The following ARHGAP8 variants were observed in gnomAD, a reference collection of about 807,000 sequenced individuals.
ARHGAP8 encodes Rho GTPase activating protein 8.
ARHGAP8 carries 62 observed loss-of-function variants against 46.1 expected under a neutral mutation model. The ratio of observed to expected loss-of-function variants is 1.34; its 90% CI spans 1.10 to 1.66. The LOEUF (loss-of-function observed/expected upper bound fraction) is 1.66, where lower values mean the gene tolerates loss of function less well. Ranked by LOEUF, ARHGAP8 falls within the 40% of genes most tolerant of loss-of-function variation. ARHGAP8 has a pLI of 0.00. For synonymous variants in ARHGAP8, 375 were observed against 243.1 expected, an observed-to-expected ratio of 1.54 and a Z score of -5.05; for missense variants, 923 against 568.4, an observed-to-expected ratio of 1.62 and a Z score of -6.34.
intron 8 of ARHGAP8, among the ~76,000 whole-genome samples, chr22:44,847,017 G>A (rs2069973969): frequency 6.6e-6 from 1 of 152,202 alleles, no homozygotes; most frequent in African/African-American, 2.4e-5. Context: ...CTGTGGGAGT[G>A]CGGGAGCGTG....
At chr22:44,787,657 A>C (rs1307160650) in intron 2 of ARHGAP8, among the ~76,000 whole-genome samples, 3 of 151,910 alleles carry the variant, frequency 2.0e-5, no homozygotes, top group Non-Finnish European at 2.9e-5. Context: ...GCATTGCTTT[A>C]ATTTAGGTCT....
chr22:44,807,993 C>A (rs1929052070), intron 3 of ARHGAP8, among the ~76,000 whole-genome samples: 1 of 152,202 alleles, frequency 6.6e-6, no homozygotes, highest in South Asian at 2.1e-4. Flanking sequence ...TTAATTGCAC[C>A]TACAAAGACC....
At chr22:44,768,725 T>C (rs1028953404) in intron 1 of ARHGAP8, among the ~76,000 whole-genome samples, 1 of 152,162 alleles carries the variant, frequency 6.6e-6, no homozygotes, top group Non-Finnish European at 1.5e-5. Flanking sequence ...TACAGCCCTG[T>C]GTCCTTCCTG....
In ARHGAP8 at chr22:44,802,985, CCTGCTGCTG is replaced by C. The variant is rs5845671; in HGVS notation, c.167+838_167+846del. ...TCAAACCCAGGACAGAAGACAAGGG[CCTGCTGCTG>C]CTGCTGCTGCTGCTGCCGCCACCAC... On this transcript the variant is annotated intron_variant, in intron 3 of 11. Coordinates refer to ENST00000356099, the MANE Select transcript of ARHGAP8 (RefSeq NM_181335.3). Among the ~76,000 whole-genome samples, 87 of 151,376 alleles carry C rather than the reference CCTGCTGCTG, an allele frequency of 5.7e-4. 1 individual carries two copies. Among genetic ancestry groups the C allele is most frequent in the African/African-American group, 2.0e-3 (84 of 41,246 alleles).
At chr22:44,801,785 C>G in intron 2 of ARHGAP8, 1 of 387,360 alleles carries the variant, frequency 2.6e-6, no homozygotes, top group Non-Finnish European at 4.7e-6. Context: ...TCCTTGGTGC[C>G]GCCTGCCAGC....
In ARHGAP8 at chr22:44,808,385, GAACAAGC is replaced by G. The variant is rs1217303084; in HGVS notation, c.247_253del (p.Asn83LeufsTer21). Reference sequence around the variant, plus strand: ...ATTTCCACTACGGGCTGAACAGCCGGAACAAGCCTTCCCTGGGCTGGCTCCAGAGCGC... The same window carrying G: ...ATTTCCACTACGGGCTGAACAGCCGGCTTCCCTGGGCTGGCTCCAGAGCGC... On this transcript the variant is annotated frameshift_variant, in exon 4 of 12. Coordinates refer to ENST00000356099, the MANE Select transcript of ARHGAP8 (RefSeq NM_181335.3). LOFTEE classifies it high-confidence loss of function. 1 of 1,614,230 alleles carries G rather than the reference GAACAAGC, an allele frequency of 6.2e-7. No homozygotes were observed. The highest frequency in any genetic ancestry group is 1.1e-5 in the South Asian group (1 of 91,080).
intron 2 of ARHGAP8, among the ~76,000 whole-genome samples, chr22:44,798,740 C>T (rs1207255848): frequency 6.6e-6 from 1 of 152,098 alleles, no homozygotes; most frequent in Admixed American, 6.6e-5. Flanking sequence ...CTGCTGGACA[C>T]CTGAAATGTG....
rs1555909610 is a variant in ARHGAP8 at position 44,772,253 on chromosome 22, T to TTTTTTTTTTTTTTTTTTTTTC, written c.-71-14204_-71-14203insTTTTTTTTTTTTTTTTTTTTC. ...TTTTTTTTTTTTTTTTTTTTTTTTT[T>TTTTTTTTTTTTTTTTTTTTTC]CAAGACTGAGTCTCTGTTGCCCAGG... On this transcript the variant is annotated intron_variant, in intron 1 of 11. Coordinates refer to ENST00000356099, the MANE Select transcript of ARHGAP8 (RefSeq NM_181335.3). 4.1e-5 allele frequency among the ~76,000 whole-genome samples: 3 copies of TTTTTTTTTTTTTTTTTTTTTC among 73,254 alleles called. 1 individual carries two copies. The highest frequency in any genetic ancestry group is 5.3e-5 in the Non-Finnish European group (2 of 37,862). 48.1% of individuals were successfully genotyped at this position (73,254 alleles called of 152,430 possible). A position where few individuals can be genotyped will look rare whatever the true frequency, so the allele number is the denominator to read the frequency against.
chr22:44,851,085 T>A (rs2147171939), intron 10 of ARHGAP8: 1 of 151,986 alleles, frequency 6.6e-6, no homozygotes, highest in South Asian at 2.1e-4. Flanking sequence ...ATGAAAACAT[T>A]CAAAGTGCTA....
chr22:44,838,330 G>T (rs750794830), intron 7 of ARHGAP8, among the ~76,000 whole-genome samples: 30 of 152,146 alleles, frequency 2.0e-4, no homozygotes, highest in Non-Finnish European at 3.8e-4. Flanking sequence ...TAGAGACAGG[G>T]TTTCACCATG....
intron 4 of ARHGAP8, chr22:44,808,886 T>C (rs1369272485): frequency 2.7e-6 from 1 of 363,674 alleles, no homozygotes; most frequent in East Asian, 7.3e-5. Context: ...GGTGCAATCA[T>C]GGTTCACTGC....
In ARHGAP8 at chr22:44,859,836, TG is replaced by T. The variant is rs1240241472; in HGVS notation, c.981+3del. ...TACCTCATGGGCTTCCTGCATGCGG[TG>T]AGTGGGGAAGGGGGGAGCTTGGGGT... is the stretch of plus-strand genomic sequence containing the variant. On this transcript the variant is annotated splice_donor_region_variant and intron_variant, in intron 11 of 11. Transcript: ENST00000356099. The T allele has an allele frequency of 6.2e-7, 1 of 1,613,138 alleles. No homozygotes were observed. The highest frequency in any genetic ancestry group is 8.5e-7 in the Non-Finnish European group (1 of 1,179,676).
intron 6 of ARHGAP8, among the ~76,000 whole-genome samples, chr22:44,823,453 G>A (rs1930297633): frequency 6.6e-6 from 1 of 152,120 alleles, no homozygotes; most frequent in Admixed American, 6.5e-5. Context: ...GGGAGATCTG[G>A]AGGCAGTGAG....
At chr22:44,856,123 A>G (rs894142396) in intron 10 of ARHGAP8, among the ~76,000 whole-genome samples, 4 of 152,048 alleles carry the variant, frequency 2.6e-5, no homozygotes, top group Non-Finnish European at 5.9e-5. Flanking sequence ...ATCTGTCCCC[A>G]TGATTTAATC....
At chr22:44,827,423 A>C (rs964960116) in intron 7 of ARHGAP8, among the ~76,000 whole-genome samples, 5 of 132,294 alleles carry the variant, frequency 3.8e-5, no homozygotes, top group African/African-American at 1.4e-4. Flanking sequence ...GCTCACCGCA[A>C]CCTCCGCTCC....
At chr22:44,857,506 A>T (rs1229319194) in intron 10 of ARHGAP8, among the ~76,000 whole-genome samples, 1 of 152,318 alleles carries the variant, frequency 6.6e-6, no homozygotes, top group South Asian at 2.1e-4. Context: ...CTTCGTAAGG[A>T]AACGAAGGCC....
At chr22:44,832,998 T>A (rs1209679104) in intron 7 of ARHGAP8, among the ~76,000 whole-genome samples, 2 of 151,768 alleles carry the variant, frequency 1.3e-5, no homozygotes, top group South Asian at 2.1e-4. Context: ...CACAAAAGAA[T>A]CAACAGTCCT....
At chr22:44,823,262 C>A (rs1387496811) in intron 6 of ARHGAP8, among the ~76,000 whole-genome samples, 1 of 152,068 alleles carries the variant, frequency 6.6e-6, no homozygotes, top group Non-Finnish European at 1.5e-5. Flanking sequence ...ATGACAGGGG[C>A]CAGAGGAGGC....
chr22:44,861,215 A>T (rs1029285337), intron 11 of ARHGAP8, among the ~76,000 whole-genome samples: 1 of 152,042 alleles, frequency 6.6e-6, no homozygotes, highest in Non-Finnish European at 1.5e-5. Flanking sequence ...CAGGTGATCC[A>T]CCTGCCTCGG....
Sources: gnomAD v4.1 joint callset for allele counts (sites outside exome capture counted in the v4.1 genomes callset) on GRCh38, gnomAD v4.1.1 for gene constraint, MANE v1.5 for transcripts, NCBI Gene and HGNC (gene_info 2026-07-23, HGNC 2026-07-21) for gene names.